Variants in CNTNAP2 observed in about 807,000 individuals in gnomAD.
CNTNAP2 encodes contactin-associated protein-like 2.
Under a neutral mutation model 155.2 loss-of-function variants are expected in CNTNAP2, and 98 were observed. The observed-to-expected ratio is 0.63, with a 90% CI of 0.54 to 0.75. The LOEUF is 0.75. CNTNAP2 is among the 30% of genes least tolerant of loss of function. The probability of loss-of-function intolerance (pLI) is 0.00; values close to 1 mark genes in which losing one functional copy is unlikely to be tolerated. For missense variants in CNTNAP2, 1,727 were observed against 1,688.1 expected, an observed-to-expected ratio of 1.02 and a Z score of -0.40; for synonymous variants, 651 against 631.2, an observed-to-expected ratio of 1.03 and a Z score of -0.47.
At chr7:146,552,511 C>A (rs1193682935) in intron 1 of CNTNAP2, among the ~76,000 whole-genome samples, 1 of 152,118 alleles carries the variant, frequency 6.6e-6, no homozygotes, top group African/African-American at 2.4e-5. Context: ...TTACGGCACA[C>A]CTTTAAATTC....
At chr7:146,241,447 A>G (rs1264160965) in intron 1 of CNTNAP2, among the ~76,000 whole-genome samples, 1 of 152,226 alleles carries the variant, frequency 6.6e-6, no homozygotes, top group Admixed American at 6.5e-5. Flanking sequence ...ACAAGAACAC[A>G]TACATACAAG....
chr7:148,306,396 C>T (rs868609324), intron 21 of CNTNAP2, among the ~76,000 whole-genome samples: 5 of 152,262 alleles, frequency 3.3e-5, no homozygotes, highest in African/African-American at 1.2e-4. Context: ...TTTCTTCTTT[C>T]ATTTCCTGTT....
At position 147,108,337 on chromosome 7, in the gene CNTNAP2, C is replaced by T; in HGVS notation, c.741C>T (p.Leu247=). 6.2e-7 allele frequency: 1 copy of T among 1,613,178 alleles called. No individual in the cohort carries two copies. Among genetic ancestry groups the T allele is most frequent in the African/African-American group, 1.3e-5 (1 of 74,994 alleles). Residue 247 remains leucine (L), a synonymous_variant, in exon 5 of 24, where the codon CTC becomes CTT. Coordinates refer to ENST00000361727, the MANE Select transcript of CNTNAP2 (RefSeq NM_014141.6). The stretch of plus-strand genomic sequence containing the variant: ...AACTGAAAAAAGCCAAGCTGGTCCT[C>T]AGTTTAAACTTAGGTGTGTTCTGAC... The part of the protein sequence containing the change: ...TLELKKAKLV[L]SLNLGSNQLG...
intron 16 of CNTNAP2, among the ~76,000 whole-genome samples, chr7:148,136,427 C>A (rs1254958638): frequency 6.6e-6 from 1 of 152,106 alleles, no homozygotes; most frequent in Non-Finnish European, 1.5e-5. Flanking sequence ...TCCTCTCTTG[C>A]CATGTGATGT....
chr7:146,766,294 A>G (rs1212233493), intron 1 of CNTNAP2, among the ~76,000 whole-genome samples: 2 of 152,200 alleles, frequency 1.3e-5, no homozygotes, highest in Non-Finnish European at 2.9e-5. Flanking sequence ...GAGAACATCT[A>G]TTTAAAACTG....
chr7:148,083,217 A>G (rs1803650172), intron 15 of CNTNAP2, among the ~76,000 whole-genome samples: 1 of 152,196 alleles, frequency 6.6e-6, no homozygotes. Flanking sequence ...GAAGGAAAGC[A>G]ACATAGGAAG....
In CNTNAP2 at chr7:147,388,641, C is replaced by T. The variant is rs184372569; in HGVS notation, c.1499-6968C>T. 1.1e-3 allele frequency among the ~76,000 whole-genome samples: 167 copies of T among 151,804 alleles called. 1 individual carries two copies. Among genetic ancestry groups the T allele is most frequent in the African/African-American group, 3.5e-3 (144 of 41,392 alleles). ...TGTAACCCAGGCTGGAGTGCAATGG[C>T]GCAATCTTGGCTCACTGCAACCTCC... On this transcript the variant is annotated intron_variant, in intron 9 of 23. Coordinates refer to ENST00000361727, the MANE Select transcript of CNTNAP2 (RefSeq NM_014141.6).
At chr7:146,677,763 A>G (rs1343126005) in intron 1 of CNTNAP2, among the ~76,000 whole-genome samples, 2 of 152,006 alleles carry the variant, frequency 1.3e-5, no homozygotes, top group South Asian at 2.1e-4. Flanking sequence ...AGCTTAAGCT[A>G]TTGATTAGCT....
rs549940309 is a variant in CNTNAP2 at position 146,222,834 on chromosome 7, T to A, written c.97+105861T>A. Among the ~76,000 whole-genome samples the A allele has an allele frequency of 6.0e-3, 908 of 151,404 alleles. 9 individuals are homozygous for A. The highest frequency in any genetic ancestry group is 0.021 in the African/African-American group (863 of 41,320). ...CCACGCCCAGCTAATTTTTTTATATTTTTTTTAGTAGAGACGGGGTTTTAC... is the reference window on the plus strand; with the variant it reads ...CCACGCCCAGCTAATTTTTTTATATATTTTTTAGTAGAGACGGGGTTTTAC... On this transcript the variant is annotated intron_variant, in intron 1 of 23. Transcript: ENST00000361727.
chr7:148,186,149 TCA>T (rs1462384668), intron 18 of CNTNAP2, among the ~76,000 whole-genome samples: 2 of 152,236 alleles, frequency 1.3e-5, no homozygotes. Flanking sequence ...GCCCCTTTTG[TCA>T]CAAAATCAAA....
At chr7:147,700,648 T>A (rs1796222994) in intron 13 of CNTNAP2, among the ~76,000 whole-genome samples, 2 of 152,136 alleles carry the variant, frequency 1.3e-5, no homozygotes, top group African/African-American at 4.8e-5. Flanking sequence ...TGATTGAAAC[T>A]TGGAAACTTA....
At chr7:147,238,795 T>C (rs1475156938) in intron 8 of CNTNAP2, among the ~76,000 whole-genome samples, 2 of 152,200 alleles carry the variant, frequency 1.3e-5, no homozygotes, top group African/African-American at 4.8e-5. Context: ...TGTTATCAGA[T>C]ACAGATTCAG....
At chr7:147,586,284 A>C (rs6943947) in intron 12 of CNTNAP2, among the ~76,000 whole-genome samples, 89 of 151,446 alleles carry the variant, frequency 5.9e-4, no homozygotes, top group Middle Eastern at 6.8e-3. Context: ...TAAAGAATCC[A>C]TTCTATCAGT....
intron 13 of CNTNAP2, among the ~76,000 whole-genome samples, chr7:147,674,626 C>G (rs141778238): frequency 0.016 from 2,503 of 152,214 alleles, 221 homozygotes; most frequent in Admixed American, 0.15. Context: ...ACATATTTCA[C>G]TTCGTTGTTT....
chr7:147,809,169 C>T (rs1429125750), intron 13 of CNTNAP2, among the ~76,000 whole-genome samples: 2 of 152,204 alleles, frequency 1.3e-5, no homozygotes, highest in Admixed American at 6.5e-5. Context: ...TACAATGTGG[C>T]TGGAAAGCTC....
Position 147,190,194 on chromosome 7 carries a change from C to A in CNTNAP2, c.1348+57685C>A, listed in dbSNP as rs565717164. ...CATCAAAAGAACATTCTCTTCATGA[C>A]CATTTCACTGCACCTCAGAAAAACA... On this transcript the variant is annotated intron_variant, in intron 8 of 23. Transcript: ENST00000361727. 2.1e-4 allele frequency among the ~76,000 whole-genome samples: 32 copies of A among 152,272 alleles called. 1 individual carries two copies. In the South Asian group the frequency reaches 6.4e-3, roughly 31 times the overall value.
chr7:148,077,623 A>G (rs1289528046), intron 15 of CNTNAP2, among the ~76,000 whole-genome samples: 1 of 152,168 alleles, frequency 6.6e-6, no homozygotes, highest in Admixed American at 6.5e-5. Flanking sequence ...TTTGTTTGAA[A>G]ATCTTTCTTT....
chr7:146,472,569 C>A (rs1796815859), intron 1 of CNTNAP2, among the ~76,000 whole-genome samples: 1 of 151,978 alleles, frequency 6.6e-6, no homozygotes, highest in African/African-American at 2.4e-5. Context: ...CATAACCATA[C>A]CATAAATATG....
chr7:147,537,774 T>C lies in CNTNAP2; in HGVS notation c.1778-24364T>C, dbSNP rs79620251. On this transcript the variant is annotated intron_variant, in intron 11 of 23. Coordinates refer to ENST00000361727, the MANE Select transcript of CNTNAP2 (RefSeq NM_014141.6). ...CATATAACAAGGGTCCAGAAATCCA[T>C]GTTATAAAGGTTTGTACTGATTCAG... is the stretch of plus-strand genomic sequence containing the variant. 4.9e-3 allele frequency among the ~76,000 whole-genome samples: 740 copies of C among 152,274 alleles called. 7 individuals are homozygous for C. The highest frequency in any genetic ancestry group is 0.017 in the African/African-American group (691 of 41,558).
Sources: gnomAD v4.1 joint callset for allele counts (sites outside exome capture counted in the v4.1 genomes callset) on GRCh38, gnomAD v4.1.1 for gene constraint, MANE v1.5 for transcripts, NCBI Gene and HGNC (gene_info 2026-07-23, HGNC 2026-07-21) for gene names.